SIDT1: variants seen among roughly 807,000 people sequenced by gnomAD.
The protein encoded by SIDT1 is SID1 transmembrane family, member 1.
A neutral mutation model predicts 107.5 loss-of-function variants in SIDT1; 101 were observed. That is an observed-to-expected ratio of 0.94 (90% confidence interval 0.80 to 1.11). SIDT1 has a LOEUF of 1.11. Ranked by LOEUF, SIDT1 falls within the 50% of genes least tolerant of loss-of-function variation. The probability of loss-of-function intolerance (pLI) is 0.00; values close to 1 mark genes in which losing one functional copy is unlikely to be tolerated. For synonymous variants in SIDT1, 395 were observed against 398.2 expected (o/e 0.99, Z 0.10); for missense variants, 1,076 against 1,058.2 (o/e 1.02, Z -0.23).
intron 10 of SIDT1, among the ~76,000 whole-genome samples, chr3:113,600,905 G>C (rs1944914758): frequency 1.3e-5 from 2 of 152,178 alleles, no homozygotes; most frequent in Admixed American, 1.3e-4. Context: ...CAGTGCCAGG[G>C]AGCATGCATT....
chr3:113,554,976 T>G (rs892771410), intron 1 of SIDT1, among the ~76,000 whole-genome samples: 1 of 152,172 alleles, frequency 6.6e-6, no homozygotes, highest in Non-Finnish European at 1.5e-5. Context: ...GGCAACATGG[T>G]CATGGCACTT....
chr3:113,561,898 A>G (rs574914398), intron 1 of SIDT1, among the ~76,000 whole-genome samples: 155 of 152,310 alleles, frequency 1.0e-3, no homozygotes, highest in Non-Finnish European at 1.6e-3. Flanking sequence ...CTTAGGTGAA[A>G]AAAGGGAGGC....
In SIDT1 at chr3:113,578,847, C is replaced by T. The variant is rs116198138; in HGVS notation, c.562-1761C>T. 3.2e-3 allele frequency among the ~76,000 whole-genome samples: 486 copies of T among 152,012 alleles called. 1 individual carries two copies. Among genetic ancestry groups the T allele is most frequent in the African/African-American group, 0.011 (460 of 41,404 alleles). ...CCTAGCCTGGGTGACAGCGTGAGACCCTATCTCTGAAAAAAAAATTTAAAT... is the reference window on the plus strand; with the variant it reads ...CCTAGCCTGGGTGACAGCGTGAGACTCTATCTCTGAAAAAAAAATTTAAAT... On this transcript the variant is annotated intron_variant, in intron 4 of 24. Transcript: ENST00000264852.
chr3:113,575,054 C>T (rs1218913008), intron 3 of SIDT1, among the ~76,000 whole-genome samples: 1 of 152,118 alleles, frequency 6.6e-6, no homozygotes, highest in African/African-American at 2.4e-5. Flanking sequence ...AAATGGTAGT[C>T]TTAAACACAG....
At chr3:113,578,929 C>G (rs1186294262) in intron 4 of SIDT1, among the ~76,000 whole-genome samples, 1 of 152,130 alleles carries the variant, frequency 6.6e-6, no homozygotes, top group Non-Finnish European at 1.5e-5. Context: ...ACTAATAAAA[C>G]AAAACAAGTT....
intron 1 of SIDT1, among the ~76,000 whole-genome samples, chr3:113,554,757 C>A (rs887381246): frequency 6.6e-6 from 1 of 152,084 alleles, no homozygotes; most frequent in Non-Finnish European, 1.5e-5. Context: ...AGAGGTAGAA[C>A]CCCTTTCGCG....
intron 21 of SIDT1, among the ~76,000 whole-genome samples, chr3:113,622,480 A>C (rs1320978113): frequency 6.7e-6 from 1 of 150,148 alleles, no homozygotes; most frequent in Admixed American, 6.6e-5. Flanking sequence ...AAAAAAAAAA[A>C]AAAAAAAAAC....
intron 21 of SIDT1, among the ~76,000 whole-genome samples, chr3:113,620,373 T>C (rs1008926878): frequency 6.6e-6 from 1 of 152,192 alleles, no homozygotes; most frequent in Admixed American, 6.5e-5. Context: ...CATTATTTTA[T>C]GCAATCTATC....
Position 113,627,669 on chromosome 3 carries a change from C to A in SIDT1, c.2445C>A (p.Asp815Glu). 1 of 1,613,966 alleles carries A rather than the reference C, an allele frequency of 6.2e-7. No homozygotes were observed. Among genetic ancestry groups the A allele is most frequent in the Non-Finnish European group, 8.5e-7 (1 of 1,180,018 alleles). ...AGGTTTTGTTAACTTTGGATGATGA[C>A]CTTGATGTGGTTCGGAGAGACCAGA... ...SFLVLLTLDD[D>E]LDVVRRDQIP... The change falls in exon 25 of 25, where the codon GAC becomes GAA. Residue 815 changes from aspartate to glutamate, a missense_variant. Transcript: ENST00000264852.
chr3:113,600,325 T>C (rs1944871714), intron 10 of SIDT1, among the ~76,000 whole-genome samples: 1 of 151,840 alleles, frequency 6.6e-6, no homozygotes, highest in East Asian at 1.9e-4. Context: ...ATAATAATAA[T>C]TTTTCATAAA....
chr3:113,537,030 C>G (rs1938249884), intron 1 of SIDT1, among the ~76,000 whole-genome samples: 1 of 152,192 alleles, frequency 6.6e-6, no homozygotes, highest in South Asian at 2.1e-4. Context: ...AATGAGAATA[C>G]TCTTGTAGAG....
intron 19 of SIDT1, among the ~76,000 whole-genome samples, chr3:113,613,182 C>G (rs1481519074): frequency 1.3e-5 from 2 of 152,208 alleles, no homozygotes; most frequent in Non-Finnish European, 2.9e-5. Context: ...CATCCACTTC[C>G]CCCACAAATA....
chr3:113,636,235 T>A, the SIDT1 span, among the ~76,000 whole-genome samples: 1 of 152,020 alleles, frequency 6.6e-6, no homozygotes, highest in Non-Finnish European at 1.5e-5. Context: ...TGAAACCCTG[T>A]CCCTACTAAA....
chr3:113,572,996 C>CTTTTT (rs67858249), intron 3 of SIDT1, among the ~76,000 whole-genome samples: 1 of 145,576 alleles, frequency 6.9e-6, no homozygotes. Flanking sequence ...ATTTACATTC[C>CTTTTT]TTTTTTTTTT....
intron 15 of SIDT1, among the ~76,000 whole-genome samples, chr3:113,607,665 C>A (rs1274160688): frequency 6.6e-6 from 1 of 152,218 alleles, no homozygotes; most frequent in East Asian, 1.9e-4. Flanking sequence ...AATAAAGCTG[C>A]TGGCTATGAT....
intron 5 of SIDT1, 47 bp from the exon 6 acceptor site, chr3:113,581,314 C>A (rs1265751537): frequency 6.9e-7 from 1 of 1,453,476 alleles, no homozygotes; most frequent in Non-Finnish European, 9.7e-7. Flanking sequence ...CATGACATTG[C>A]ATGACATTAT....
At chr3:113,625,760 T>A (rs1466087702) in intron 23 of SIDT1, among the ~76,000 whole-genome samples, 3 of 152,214 alleles carry the variant, frequency 2.0e-5, no homozygotes, top group Admixed American at 1.3e-4. Context: ...TCCCTTACAG[T>A]TCTTTCAGCT....
intron 18 of SIDT1, among the ~76,000 whole-genome samples, chr3:113,611,837 C>T (rs1300479557): frequency 6.6e-6 from 1 of 152,132 alleles, no homozygotes; most frequent in Non-Finnish European, 1.5e-5. Context: ...CACTTTAGAC[C>T]CGTTGCCCCT....
At chr3:113,575,791 A>G (rs934248340) in intron 3 of SIDT1, among the ~76,000 whole-genome samples, 7 of 152,250 alleles carry the variant, frequency 4.6e-5, no homozygotes, top group African/African-American at 1.7e-4. Flanking sequence ...TAAAACAGGT[A>G]TTTAATTTTT....
Sources: gnomAD v4.1 joint callset for allele counts (sites outside exome capture counted in the v4.1 genomes callset) on GRCh38, gnomAD v4.1.1 for gene constraint, MANE v1.5 for transcripts, NCBI Gene and HGNC (gene_info 2026-07-23, HGNC 2026-07-21) for gene names.